HDHD2: variants seen among roughly 807,000 people sequenced by gnomAD.
HDHD2 encodes the protein haloacid dehalogenase like hydrolase domain containing 2.
Under a neutral mutation model 24.8 loss-of-function variants are expected in HDHD2, and 26 were observed. That is an observed-to-expected ratio of 1.05 (90% CI 0.77 to 1.45). The LOEUF (loss-of-function observed/expected upper bound fraction) is 1.45, where lower values mean the gene tolerates loss of function less well. Ranked by LOEUF, HDHD2 falls within the 40% of genes most tolerant of loss-of-function variation. The probability of loss-of-function intolerance (pLI) is 0.00; values close to 1 mark genes in which losing one functional copy is unlikely to be tolerated. For missense variants in HDHD2, 299 were observed against 313.4 expected (o/e 0.95, Z 0.35); for synonymous variants, 128 against 114.9 (o/e 1.11, Z -0.73).
At chr18:47,122,726 A>G (rs2063618983) in intron 4 of HDHD2, among the ~76,000 whole-genome samples, 1 of 152,172 alleles carries the variant, frequency 6.6e-6, no homozygotes, top group African/African-American at 2.4e-5. Flanking sequence ...TAATTCTCTT[A>G]TTAATTACTG....
intron 1 of HDHD2, among the ~76,000 whole-genome samples, chr18:47,138,618 G>A (rs2063789989): frequency 6.6e-6 from 1 of 152,152 alleles, no homozygotes; most frequent in Non-Finnish European, 1.5e-5. Flanking sequence ...TATCAAAGTG[G>A]GCGAAAGAAG....
chr18:47,117,826 A>C (rs543583252), intron 4 of HDHD2, among the ~76,000 whole-genome samples: 1 of 152,034 alleles, frequency 6.6e-6, no homozygotes, highest in South Asian at 2.1e-4. Context: ...TGTAATTATT[A>C]TAAGAAATAA....
chr18:47,141,112 T>C (rs902399634), intron 1 of HDHD2, among the ~76,000 whole-genome samples: 10 of 152,212 alleles, frequency 6.6e-5, no homozygotes, highest in African/African-American at 2.2e-4. Context: ...CTGCTGATAT[T>C]TCAGCCATTT....
intron 1 of HDHD2, among the ~76,000 whole-genome samples, chr18:47,143,424 T>C (rs1023202836): frequency 5.9e-5 from 9 of 152,190 alleles, no homozygotes; most frequent in Non-Finnish European, 1.5e-5. Context: ...TGAGACTATA[T>C]CCCTAAAACA....
At chr18:47,119,228 T>C (rs925713976) in intron 4 of HDHD2, among the ~76,000 whole-genome samples, 2 of 152,170 alleles carry the variant, frequency 1.3e-5, no homozygotes, top group Non-Finnish European at 2.9e-5. Flanking sequence ...ACAATGAAGC[T>C]TGCTGCATCA....
chr18:47,140,612 A>G (rs2063811130), intron 1 of HDHD2, among the ~76,000 whole-genome samples: 1 of 152,022 alleles, frequency 6.6e-6, no homozygotes, highest in African/African-American at 2.4e-5. Context: ...TCGACTGCCC[A>G]TGCTCAAGCA....
Position 47,107,425 on chromosome 18 carries a change from T to G in HDHD2, c.*1257A>C, listed in dbSNP as rs555328422. 6.5e-6 allele frequency: 1 copy of G among 152,674 alleles called. No individual in the cohort carries two copies. Among genetic ancestry groups the G allele is most frequent in the East Asian group, 1.9e-4 (1 of 5,174 alleles). The allele number at this position is 152,674 out of a possible 1,614,324, so 9.5% of individuals were successfully genotyped here. On this transcript the variant is annotated 3_prime_UTR_variant, in exon 7 of 7. Coordinates refer to ENST00000300605, the MANE Select transcript of HDHD2 (RefSeq NM_032124.5). Reference sequence around the variant, plus strand: ...AACACAGTGCTCACCAAACTAACATTTATTTAGCTTTGTTCCCTCCCATCC... The same window carrying G: ...AACACAGTGCTCACCAAACTAACATGTATTTAGCTTTGTTCCCTCCCATCC...
rs894334127 is a variant in HDHD2 at position 47,130,284 on chromosome 18, G to A, written c.355C>T (p.Pro119Ser). 1.9e-6 allele frequency: 3 copies of A among 1,608,546 alleles called. No individual in the cohort carries two copies. Among genetic ancestry groups the A allele is most frequent in the Non-Finnish European group, 2.5e-6 (3 of 1,176,680 alleles). Residue 119 changes from proline (P) to serine (S), a missense_variant, in exon 4 of 7, where the codon CCA becomes TCA. Transcript: ENST00000300605. The stretch of plus-strand genomic sequence containing the variant: ...AGAATTTGATAATGAAAATGTTCTG[G>A]TGCCAATCCCATGACCACAGCATTA... ...DPNAVVMGLA[P>S]EHFHYQILNQ...
At chr18:47,148,419 G>A (rs999226188) in intron 1 of HDHD2, among the ~76,000 whole-genome samples, 7 of 152,116 alleles carry the variant, frequency 4.6e-5, no homozygotes, top group African/African-American at 1.7e-4. Flanking sequence ...TGTTTATCTT[G>A]AGTCCATACC....
intron 2 of HDHD2, among the ~76,000 whole-genome samples, chr18:47,135,491 C>A (rs967567352): frequency 8.5e-5 from 13 of 152,048 alleles, no homozygotes; most frequent in Non-Finnish European, 1.9e-4. Context: ...GAACTCCCGA[C>A]CTCAGGTGAT....
intron 4 of HDHD2, among the ~76,000 whole-genome samples, chr18:47,126,839 T>C (rs2063663113): frequency 6.6e-6 from 1 of 152,150 alleles, no homozygotes; most frequent in African/African-American, 2.4e-5. Context: ...AACAAACATG[T>C]TCTCAGGAGT....
chr18:47,136,181 T>C (rs1377235677), intron 2 of HDHD2, 158 bp downstream of exon 2: 10 of 796,802 alleles, frequency 1.3e-5, no homozygotes, highest in Non-Finnish European at 1.5e-5. Context: ...TTGGAAGAAA[T>C]TGTAATGCAT....
chr18:47,141,615 T>C (rs2063820261), intron 1 of HDHD2, among the ~76,000 whole-genome samples: 2 of 152,054 alleles, frequency 1.3e-5, no homozygotes, highest in South Asian at 4.1e-4. Flanking sequence ...ATTTATTCTA[T>C]TCTTTGTGCC....
In HDHD2 at chr18:47,129,931, T is replaced by C. The variant is rs113347568; in HGVS notation, c.395+313A>G. Among the ~76,000 whole-genome samples, 572 of 151,990 alleles carry C rather than the reference T, an allele frequency of 3.8e-3. 6 individuals carry two copies. The highest frequency in any genetic ancestry group is 0.013 in the African/African-American group (546 of 41,470). ...TCTACTAAAAATACAAAAACTGAGATAGGAGGAGCACCTAAGTCTGAGCCT... is the reference window on the plus strand; with the variant it reads ...TCTACTAAAAATACAAAAACTGAGACAGGAGGAGCACCTAAGTCTGAGCCT... On this transcript the variant is annotated intron_variant, in intron 4 of 6. Transcript: ENST00000300605.
At chr18:47,121,270 T>C (rs1352754474) in intron 4 of HDHD2, among the ~76,000 whole-genome samples, 1 of 152,158 alleles carries the variant, frequency 6.6e-6, no homozygotes, top group Non-Finnish European at 1.5e-5. Context: ...ACCTACCATA[T>C]GTCCAACGTC....
chr18:47,146,890 G>C (rs1308291256), intron 1 of HDHD2, among the ~76,000 whole-genome samples: 2 of 152,168 alleles, frequency 1.3e-5, no homozygotes, highest in African/African-American at 4.8e-5. Flanking sequence ...TGCAAACCAA[G>C]AGGAGCGCAA....
intron 6 of HDHD2, chr18:47,111,881 C>A: frequency 1.3e-6 from 1 of 780,768 alleles, no homozygotes; most frequent in Non-Finnish European, 1.6e-6. Context: ...TGTAACTCTT[C>A]TTTGACTTTA....
intron 1 of HDHD2, among the ~76,000 whole-genome samples, chr18:47,149,577 C>T (rs1475689386): frequency 6.7e-6 from 1 of 150,132 alleles, no homozygotes; most frequent in Admixed American, 6.6e-5. Flanking sequence ...GTACTGCAGG[C>T]GGCCAAGAGC....
intron 6 of HDHD2, chr18:47,111,605 T>C (rs141196171): frequency 1.0e-6 from 1 of 985,396 alleles, no homozygotes; most frequent in Non-Finnish European, 1.2e-6. Flanking sequence ...AAGGTGATCA[T>C]TTTGACTGAG....
Sources: allele counts gnomAD v4.1 joint callset (sites outside exome capture counted in the v4.1 genomes callset), GRCh38; gene constraint gnomAD v4.1.1; transcripts MANE v1.5; gene names NCBI Gene and HGNC (gene_info 2026-07-23, HGNC 2026-07-21).